Variants in RYR2 observed in about 807,000 individuals in gnomAD.
RYR2 encodes cardiac muscle ryanodine receptor-calcium release channel.
A neutral mutation model predicts 601.1 loss-of-function variants in RYR2; 227 were observed. The observed-to-expected ratio is 0.38, with a 90% CI of 0.34 to 0.42. The LOEUF (loss-of-function observed/expected upper bound fraction) is 0.42, where lower values mean the gene tolerates loss of function less well. Among genes scored for constraint, RYR2 ranks in the 10% least tolerant of loss-of-function variants. The pLI is 1.00. For missense variants in RYR2, 4,646 were observed against 6,156.5 expected (o/e 0.75, Z 8.21); for synonymous variants, 2,223 against 2,175.1 (o/e 1.02, Z -0.61).
chr1:237,830,477 CCTTTTGTTTTG>C (rs1368217688), intron 102 of RYR2, 42 bp from the exon 103 acceptor site: 42 of 1,080,302 alleles, frequency 3.9e-5, no homozygotes, highest in East Asian at 7.1e-5. Context: ...GTTGTGTTTT[CCTTTTGTTTTG>C]CTTTCTGAAC....
intron 12 of RYR2, among the ~76,000 whole-genome samples, chr1:237,424,044 C>T (rs975238059): frequency 6.6e-6 from 1 of 152,068 alleles, no homozygotes; most frequent in African/African-American, 2.4e-5. Flanking sequence ...CATCAGGTCT[C>T]ACGAGAACTC....
chr1:237,279,545 T>C (rs1690643322), intron 2 of RYR2, among the ~76,000 whole-genome samples: 1 of 152,184 alleles, frequency 6.6e-6, no homozygotes, highest in South Asian at 2.1e-4. Flanking sequence ...AGTGATAGTT[T>C]TTAAGTGTTT....
Position 237,641,467 on chromosome 1 carries a change from G to T in RYR2, c.7221+465G>T, listed in dbSNP as rs780947552. ...ATTTAGACCATATAAATTAGTGTCT[G>T]TCTGTCTTTCTTTCTTTCTTTCTTT... On this transcript the variant is annotated intron_variant, in intron 47 of 104. Coordinates refer to ENST00000366574, the MANE Select transcript of RYR2 (RefSeq NM_001035.3). Among the ~76,000 whole-genome samples the T allele has an allele frequency of 4.6e-3, 543 of 117,164 alleles. 2 individuals are homozygous for T. Among genetic ancestry groups the T allele is most frequent in the East Asian group, 0.027 (90 of 3,378 alleles). The allele number at this position is 117,164 out of a possible 152,430, so 76.9% of individuals were successfully genotyped here. A position where few individuals can be genotyped will look rare whatever the true frequency, so the allele number is the denominator to read the frequency against.
chr1:237,783,336 G>A (rs187962756), intron 89 of RYR2, among the ~76,000 whole-genome samples: 230 of 152,174 alleles, frequency 1.5e-3, no homozygotes, highest in African/African-American at 5.4e-3. Flanking sequence ...CTGAGCAAAT[G>A]TTTATTTTTA....
At chr1:237,217,792 C>T (rs562143138) in intron 1 of RYR2, among the ~76,000 whole-genome samples, 2 of 152,290 alleles carry the variant, frequency 1.3e-5, no homozygotes, top group East Asian at 3.9e-4. Context: ...GTGGGATGCA[C>T]CCTGAGTATG....
chr1:237,539,246 C>T, intron 25 of RYR2, among the ~76,000 whole-genome samples: 1 of 152,188 alleles, frequency 6.6e-6, no homozygotes. Context: ...CTCTCACTTC[C>T]CCTTGCTGAA....
chr1:237,345,474 T>TAAAAAA (rs890907449), intron 3 of RYR2, among the ~76,000 whole-genome samples: 3 of 145,464 alleles, frequency 2.1e-5, no homozygotes, highest in Non-Finnish European at 4.5e-5. Context: ...AAATAAAAAA[T>TAAAAAA]AAAAAATAAA....
intron 82 of RYR2, among the ~76,000 whole-genome samples, chr1:237,758,672 C>A (rs1323813479): frequency 1.3e-5 from 2 of 152,206 alleles, no homozygotes; most frequent in East Asian, 1.9e-4. Flanking sequence ...GTCTGCTTAA[C>A]TGAGCCCTTT....
chr1:237,275,088 A>ACACG (rs1690128542), intron 2 of RYR2, among the ~76,000 whole-genome samples: 1 of 151,500 alleles, frequency 6.6e-6, no homozygotes, highest in Non-Finnish European at 1.5e-5. Context: ...ACACACACAT[A>ACACG]CACGCACACA....
intron 8 of RYR2, among the ~76,000 whole-genome samples, chr1:237,379,089 GA>G (rs1701250042): frequency 6.6e-6 from 1 of 152,160 alleles, no homozygotes; most frequent in African/African-American, 2.4e-5. Flanking sequence ...GATGTATTTT[GA>G]TCAGATATGC....
At chr1:237,394,413 A>C (rs968303193) in intron 10 of RYR2, among the ~76,000 whole-genome samples, 3 of 152,178 alleles carry the variant, frequency 2.0e-5, no homozygotes, top group African/African-American at 7.2e-5. Context: ...CTATTGTGGC[A>C]AACTGAGCTC....
chr1:237,049,321 T>C (rs1160432149), intron 1 of RYR2, among the ~76,000 whole-genome samples: 3 of 152,036 alleles, frequency 2.0e-5, no homozygotes, highest in Non-Finnish European at 1.5e-5. Context: ...ACTGTTAGAG[T>C]GTCCAGTGGA....
In RYR2 at chr1:237,793,659, T is replaced by C. The variant is rs147990209; in HGVS notation, c.13783-208T>C. 7.6e-3 allele frequency among the ~76,000 whole-genome samples: 1,157 copies of C among 152,330 alleles called. 11 individuals are homozygous for C. The highest frequency in any genetic ancestry group is 0.018 in the South Asian group (86 of 4,832). On this transcript the variant is annotated intron_variant, in intron 94 of 104. Coordinates refer to ENST00000366574, the MANE Select transcript of RYR2 (RefSeq NM_001035.3). ...ATGTGTTTAAAAACATATGCATATA[T>C]GTAATATCTATTCTATCTTCTGTTT... is the stretch of plus-strand genomic sequence containing the variant.
Position 237,806,173 on chromosome 1 carries a change from G to A in RYR2, c.14188G>A (p.Val4730Ile). ...LYLAWYMTMS[V>I]LGHYNNFFFA... The stretch of plus-strand genomic sequence containing the variant: ...CCTAGCCTGGTATATGACTATGTCT[G>A]TTCTTGGACACTATAACAACTTTTT... Residue 4730 changes from valine (V) to isoleucine (I), a missense_variant, in exon 99 of 105, where the codon GTT becomes ATT. By Grantham distance (29) the Val-to-Ile change is conservative (BLOSUM62 3). Transcript: ENST00000366574. 6.2e-7 allele frequency: 1 copy of A among 1,613,536 alleles called. No homozygotes were observed. The highest frequency in any genetic ancestry group is 8.5e-7 in the Non-Finnish European group (1 of 1,179,604).
At chr1:237,215,981 G>A (rs769932921) in intron 1 of RYR2, among the ~76,000 whole-genome samples, 3 of 152,070 alleles carry the variant, frequency 2.0e-5, no homozygotes. Context: ...GTCATTTCAC[G>A]CCAGTAGTAT....
chr1:237,245,105 T>C (rs1349403631), intron 1 of RYR2, among the ~76,000 whole-genome samples: 1 of 152,044 alleles, frequency 6.6e-6, no homozygotes, highest in Non-Finnish European at 1.5e-5. Flanking sequence ...TAGTCTCAGC[T>C]GCTTGGGAGA....
chr1:237,311,569 T>C (rs1235221307), intron 2 of RYR2, among the ~76,000 whole-genome samples: 1 of 151,774 alleles, frequency 6.6e-6, no homozygotes, highest in Non-Finnish European at 1.5e-5. Context: ...AACCTCTGCC[T>C]CCTGGGCTCC....
intron 29 of RYR2, among the ~76,000 whole-genome samples, chr1:237,575,516 GC>G (rs1263164457): frequency 6.6e-6 from 1 of 152,034 alleles, no homozygotes; most frequent in Non-Finnish European, 1.5e-5. Context: ...GGTAATAGAG[GC>G]CTGAGATCTC....
intron 3 of RYR2, among the ~76,000 whole-genome samples, chr1:237,342,340 G>A (rs553146364): frequency 2.2e-5 from 3 of 138,248 alleles, no homozygotes; most frequent in African/African-American, 8.3e-5. Flanking sequence ...TTTTGGTAAA[G>A]ATAGGTTCTT....
Sources: gnomAD v4.1 joint callset for allele counts (sites outside exome capture counted in the v4.1 genomes callset) on GRCh38, gnomAD v4.1.1 for gene constraint, MANE v1.5 for transcripts, NCBI Gene and HGNC (gene_info 2026-07-23, HGNC 2026-07-21) for gene names.